The following NCAM2 variants were observed in gnomAD, a reference collection of about 807,000 sequenced individuals.
NCAM2 encodes the protein N-CAM-2.
NCAM2 carries 30 observed loss-of-function variants against 98.1 expected under a neutral mutation model. The observed-to-expected ratio is 0.31, with a 90% CI of 0.23 to 0.41. NCAM2 has a LOEUF of 0.41. Among genes scored for constraint, NCAM2 ranks in the 10% least tolerant of loss-of-function variants. The pLI is 1.00. For missense variants in NCAM2, 867 were observed against 1,005.8 expected, an observed-to-expected ratio of 0.86 and a Z score of 1.87; for synonymous variants, 368 against 342.4, an observed-to-expected ratio of 1.07 and a Z score of -0.83.
At chr21:21,145,937 G>A (rs527902351) in intron 1 of NCAM2, among the ~76,000 whole-genome samples, 1 of 152,120 alleles carries the variant, frequency 6.6e-6, no homozygotes, top group Admixed American at 6.5e-5. Context: ...GAAGGAAGAA[G>A]AAAGGCCAGG....
At chr21:21,051,325 G>A (rs2065104080) in intron 1 of NCAM2, among the ~76,000 whole-genome samples, 1 of 152,078 alleles carries the variant, frequency 6.6e-6, no homozygotes, top group Non-Finnish European at 1.5e-5. Context: ...TCCCAATTCT[G>A]CATCTTCGCT....
intron 2 of NCAM2, among the ~76,000 whole-genome samples, chr21:21,283,615 C>G (rs928339808): frequency 6.6e-6 from 1 of 151,866 alleles, no homozygotes; most frequent in Admixed American, 6.6e-5. Flanking sequence ...ATTAGGACAT[C>G]ATTATAAAAA....
intron 8 of NCAM2, 144 bp from the exon 9 acceptor site, chr21:21,373,719 A>G (rs1261501898): frequency 2.9e-6 from 2 of 687,378 alleles, no homozygotes; most frequent in Non-Finnish European, 2.2e-6. Flanking sequence ...TCTTAGCTAT[A>G]CAAGAAATAC....
intron 1 of NCAM2, among the ~76,000 whole-genome samples, chr21:20,999,975 T>A (rs1422979016): frequency 6.6e-6 from 1 of 152,206 alleles, no homozygotes; most frequent in Non-Finnish European, 1.5e-5. Flanking sequence ...TGTTGGATAT[T>A]CCTATAGTTT....
At chr21:21,240,038 C>T (rs1286155982) in intron 1 of NCAM2, among the ~76,000 whole-genome samples, 1 of 152,022 alleles carries the variant, frequency 6.6e-6, no homozygotes, top group Non-Finnish European at 1.5e-5. Context: ...AATATGACAC[C>T]ATCATCTACA....
chr21:21,384,514 T>C (rs1044851458), intron 9 of NCAM2, among the ~76,000 whole-genome samples: 9 of 151,900 alleles, frequency 5.9e-5, no homozygotes, highest in Admixed American at 5.3e-4. Context: ...TCCAGGAAAA[T>C]ACCAAATATA....
In NCAM2 at chr21:21,414,627, G is replaced by A. The variant is rs151031898; in HGVS notation, c.1384-3846G>A. Among the ~76,000 whole-genome samples the A allele has an allele frequency of 1.6e-3, 245 of 151,962 alleles. 2 individuals carry two copies. The highest frequency in any genetic ancestry group is 5.7e-3 in the African/African-American group (236 of 41,476). ...TGGGATTACAGGTGCCTGCCACCAC[G>A]CCCGGCTATTTTTTTGTATTTTTAG... On this transcript the variant is annotated intron_variant, in intron 10 of 17. Coordinates refer to ENST00000400546, the MANE Select transcript of NCAM2 (RefSeq NM_004540.5).
At chr21:21,421,185 T>G (rs913516246) in intron 11 of NCAM2, among the ~76,000 whole-genome samples, 1 of 151,980 alleles carries the variant, frequency 6.6e-6, no homozygotes, top group East Asian at 1.9e-4. Context: ...TGATTAGGTT[T>G]AAATAATTCC....
chr21:21,338,594 T>C (rs2074942837), intron 8 of NCAM2, 60 bp downstream of exon 8: 1 of 1,428,154 alleles, frequency 7.0e-7, no homozygotes, highest in Non-Finnish European at 9.3e-7. Context: ...ATTTTCAATA[T>C]CATTAAATCA....
intron 15 of NCAM2, among the ~76,000 whole-genome samples, chr21:21,499,740 C>T (rs1403811975): frequency 5.9e-5 from 9 of 151,878 alleles, no homozygotes; most frequent in Admixed American, 1.3e-4. Flanking sequence ...ACTTGGAATT[C>T]CCAAAGTACT....
chr21:21,145,588 A>C (rs1349215369), intron 1 of NCAM2, among the ~76,000 whole-genome samples: 1 of 152,186 alleles, frequency 6.6e-6, no homozygotes, highest in East Asian at 1.9e-4. Flanking sequence ...ATTTTTAAGT[A>C]GTCTATAAAT....
chr21:21,158,702 T>G (rs577440020), intron 1 of NCAM2, among the ~76,000 whole-genome samples: 2 of 152,162 alleles, frequency 1.3e-5, no homozygotes, highest in South Asian at 4.2e-4. Flanking sequence ...ATCGCATTAC[T>G]CACCTGTTTA....
intron 1 of NCAM2, among the ~76,000 whole-genome samples, chr21:21,165,122 G>T (rs1369841523): frequency 6.6e-6 from 1 of 152,072 alleles, no homozygotes; most frequent in Non-Finnish European, 1.5e-5. Flanking sequence ...GTTCATTCAG[G>T]GAAAAGATAC....
rs181347542 is a variant in NCAM2, at chr21:21,249,524, G to A, written c.56-31054G>A. 3.7e-4 allele frequency among the ~76,000 whole-genome samples: 56 copies of A among 152,160 alleles called. 1 individual carries two copies. The highest frequency in any genetic ancestry group is 3.2e-3 in the Admixed American group (49 of 15,284). On this transcript the variant is annotated intron_variant, in intron 1 of 17. Transcript: ENST00000400546. The stretch of plus-strand genomic sequence containing the variant: ...ACATCTTTTCACATTTCTGAAATTT[G>A]GATGTGTCTTACAGCCACCGTGTAC...
At chr21:21,369,734 T>G (rs1338391293) in intron 8 of NCAM2, among the ~76,000 whole-genome samples, 1 of 151,804 alleles carries the variant, frequency 6.6e-6, no homozygotes, top group East Asian at 1.9e-4. Context: ...TTATTGGTCT[T>G]TCTTTTGCTT....
chr21:21,060,466 T>G (rs7510120), intron 1 of NCAM2, among the ~76,000 whole-genome samples: 134,003 of 152,076 alleles, frequency 0.88, 59,869 homozygotes, highest in South Asian at 0.97. Context: ...ATGTTTAATT[T>G]TCTTTCCATA....
chr21:21,231,605 T>C (rs1436684305), intron 1 of NCAM2, among the ~76,000 whole-genome samples: 1 of 151,302 alleles, frequency 6.6e-6, no homozygotes, highest in Non-Finnish European at 1.5e-5. Context: ...GGGCAAAATA[T>C]AGGAGAGTTT....
intron 10 of NCAM2, among the ~76,000 whole-genome samples, chr21:21,414,223 G>T (rs570352282): frequency 6.6e-6 from 1 of 152,236 alleles, no homozygotes; most frequent in South Asian, 2.1e-4. Context: ...CACCGCATCT[G>T]CAGTTACTTC....
chr21:21,274,731 TA>T (rs923923791), intron 1 of NCAM2, among the ~76,000 whole-genome samples: 1 of 151,922 alleles, frequency 6.6e-6, no homozygotes, highest in Non-Finnish European at 1.5e-5. Flanking sequence ...CCTAGAAAAA[TA>T]AAAAAAGTGC....
Sources: gnomAD v4.1 joint callset for allele counts (sites outside exome capture counted in the v4.1 genomes callset) on GRCh38, gnomAD v4.1.1 for gene constraint, MANE v1.5 for transcripts, NCBI Gene and HGNC (gene_info 2026-07-23, HGNC 2026-07-21) for gene names.